Variants in PPFIA4 observed in about 807,000 individuals in gnomAD.
PPFIA4 encodes liprin-alpha-4.
Under a neutral mutation model 145.7 loss-of-function variants are expected in PPFIA4, and 98 were observed. That is an observed-to-expected ratio of 0.67 (90% CI 0.57 to 0.80). PPFIA4 has a LOEUF of 0.80. Among genes scored for constraint, PPFIA4 ranks in the 30% least tolerant of loss-of-function variants. The pLI is 0.00. For synonymous variants in PPFIA4, 628 were observed against 649.6 expected (o/e 0.97, Z 0.51); for missense variants, 1,457 against 1,632.7 (o/e 0.89, Z 1.85).
intron 13 of PPFIA4, 51 bp downstream of exon 13, chr1:203,049,818 G>A (rs367643274): frequency 3.5e-5 from 49 of 1,412,390 alleles, no homozygotes; most frequent in African/African-American, 3.0e-4. Flanking sequence ...CTGATGGACC[G>A]TGAGGAAGGA....
intron 2 of PPFIA4, among the ~76,000 whole-genome samples, chr1:203,041,398 C>T (rs1315574422): frequency 2.0e-5 from 3 of 152,182 alleles, no homozygotes; most frequent in Non-Finnish European, 4.4e-5. Flanking sequence ...TCAAGATCAG[C>T]CTGGGCAATG....
chr1:203,054,264 C>G (rs377134246), intron 15 of PPFIA4: 2 of 611,668 alleles, frequency 3.3e-6, no homozygotes, highest in East Asian at 2.7e-5. Flanking sequence ...GTAGCTCCTG[C>G]TTACTGAGGC....
intron 1 of PPFIA4, among the ~76,000 whole-genome samples, chr1:203,030,259 G>C (rs1190299256): frequency 6.6e-6 from 1 of 152,140 alleles, no homozygotes; most frequent in Non-Finnish European, 1.5e-5. Context: ...TGACCTCCGA[G>C]AGCCCTTCTG....
chr1:203,029,916 C>T (rs771795740), intron 1 of PPFIA4, among the ~76,000 whole-genome samples: 2 of 152,126 alleles, frequency 1.3e-5, no homozygotes, highest in South Asian at 2.1e-4. Context: ...AGAGTGCATA[C>T]GCACAATATG....
At chr1:203,030,117 A>T (rs1382430028) in intron 1 of PPFIA4, among the ~76,000 whole-genome samples, 1 of 152,200 alleles carries the variant, frequency 6.6e-6, no homozygotes, top group Non-Finnish European at 1.5e-5. Flanking sequence ...TTTAAGAAAA[A>T]GCTTCCTTAG....
At chr1:203,028,783 GA>G (rs1658618463) in intron 1 of PPFIA4, among the ~76,000 whole-genome samples, 1 of 152,060 alleles carries the variant, frequency 6.6e-6, no homozygotes, top group Admixed American at 6.6e-5. Context: ...GAGAGAAATG[GA>G]GGGGAGGGAG....
chr1:203,074,595 A>G (rs764703642), intron 28 of PPFIA4, among the ~76,000 whole-genome samples: 9 of 152,126 alleles, frequency 5.9e-5, no homozygotes, highest in Non-Finnish European at 4.4e-5. Flanking sequence ...AACAAACCCT[A>G]GCGGGGAAGG....
chr1:203,060,264 C>T lies in PPFIA4; in HGVS notation c.2631C>T (p.Asn877=), dbSNP rs748852291. ...PAWYVAACRA[N]VKSGAIMSAL... is the part of the protein sequence containing the mutation. ...GGTATGTGGCAGCCTGCCGGGCCAA[C>T]GTCAAGAGTGGTGCCATCATGTCCG... The change falls in exon 22 of 30, where the codon AAC becomes AAT. Residue 877 remains asparagine, a synonymous_variant. Coordinates refer to ENST00000295706, the MANE Select transcript of PPFIA4 (RefSeq NM_001304331.2). This position sits in a 1 kb window ranked among gnomAD's most constrained non-coding sequence, Gnocchi z 4.8. The T allele has an allele frequency of 9.9e-6, 16 of 1,614,142 alleles. 1 individual carries two copies. Among genetic ancestry groups the T allele is most frequent in the East Asian group, 4.5e-5 (2 of 44,876 alleles).
chr1:203,028,826 C>T (rs545538040), intron 1 of PPFIA4, among the ~76,000 whole-genome samples: 3 of 152,038 alleles, frequency 2.0e-5, no homozygotes, highest in Non-Finnish European at 4.4e-5. Context: ...GTGTGTATTG[C>T]AGCCACATGA....
At chr1:203,056,691 A>G in intron 18 of PPFIA4, 93 bp from the exon 19 acceptor site, 1 of 1,307,612 alleles carries the variant, frequency 7.6e-7, no homozygotes, top group Non-Finnish European at 1.1e-6. Flanking sequence ...CTGACTTAAT[A>G]GAAGTTCTTC....
At chr1:203,054,533 C>T (rs731641) in intron 15 of PPFIA4, among the ~76,000 whole-genome samples, 26,421 of 152,090 alleles carry the variant, frequency 0.17, 2,932 homozygotes, top group Middle Eastern at 0.27. Flanking sequence ...TCACTTTGTC[C>T]TGCCTTTTTA....
intron 9 of PPFIA4, among the ~76,000 whole-genome samples, chr1:203,046,663 T>TC (rs1443718882): frequency 2.0e-5 from 3 of 148,764 alleles, no homozygotes; most frequent in East Asian, 2.0e-4. Context: ...TTCTTTTTCT[T>TC]TTTTTTTTTT....
rs1170661641 is a variant in PPFIA4 at position 203,043,792 on chromosome 1, C to T, written c.337-139C>T. The T allele has an allele frequency of 4.4e-6, 4 of 911,850 alleles. No homozygotes were observed. The African/African-American group carries it at 6.7e-5, about 15-fold the overall frequency. 56.5% of individuals were successfully genotyped at this position (911,850 alleles called of 1,614,324 possible). A position where few individuals can be genotyped will look rare whatever the true frequency, so the allele number is the denominator to read the frequency against. On this transcript the variant is annotated intron_variant, in intron 3 of 29. Coordinates refer to ENST00000295706, the MANE Select transcript of PPFIA4 (RefSeq NM_001304331.2). The surrounding 1 kb of genome is among the most constrained non-coding windows in gnomAD (Gnocchi z 4.4). ...TCAGTTGGGGCGGGAGCTCTGTGCCCATTTGGAAGTATTTCAGTGTTTTCA... is the reference window on the plus strand; with the variant it reads ...TCAGTTGGGGCGGGAGCTCTGTGCCTATTTGGAAGTATTTCAGTGTTTTCA...
intron 1 of PPFIA4, among the ~76,000 whole-genome samples, chr1:203,028,089 G>T (rs1180199005): frequency 4.6e-5 from 7 of 152,210 alleles, no homozygotes; most frequent in African/African-American, 1.7e-4. Context: ...TGACAAAATG[G>T]TTATTGGGGG....
At chr1:203,034,446 G>T (rs183627674) in intron 1 of PPFIA4, 1 of 455,940 alleles carries the variant, frequency 2.2e-6, no homozygotes, top group Non-Finnish European at 4.4e-6. Flanking sequence ...GGCAGCCTGA[G>T]GCATGGGCAG....
chr1:203,050,676 C>T (rs547137715), intron 13 of PPFIA4, among the ~76,000 whole-genome samples: 16 of 152,206 alleles, frequency 1.1e-4, no homozygotes, highest in African/African-American at 2.7e-4. Flanking sequence ...GAGAAGCCCA[C>T]GGGTGTCTGG....
chr1:203,027,531 A>G (rs1020165773), intron 1 of PPFIA4, among the ~76,000 whole-genome samples: 4 of 151,998 alleles, frequency 2.6e-5, no homozygotes, highest in Admixed American at 2.6e-4. Flanking sequence ...CTGTGTGGAG[A>G]GCAAGTGGTT....
At chr1:203,032,607 ATTTTTT>A (rs144372683) in intron 1 of PPFIA4, among the ~76,000 whole-genome samples, 1 of 121,152 alleles carries the variant, frequency 8.3e-6, no homozygotes. Context: ...CCCAGCTAAC[ATTTTTT>A]TTTTTTTTTT....
intron 15 of PPFIA4, among the ~76,000 whole-genome samples, chr1:203,054,800 G>C (rs931548983): frequency 6.6e-6 from 1 of 152,054 alleles, no homozygotes; most frequent in African/African-American, 2.4e-5. Context: ...ATCTATTATC[G>C]CAATCATTTT....
Sources: gnomAD v4.1 joint callset for allele counts (sites outside exome capture counted in the v4.1 genomes callset) on GRCh38, gnomAD v4.1.1 for gene constraint, Gnocchi (gnomAD v3.1) non-coding constraint, MANE v1.5 for transcripts, NCBI Gene and HGNC (gene_info 2026-07-23, HGNC 2026-07-21) for gene names.